The following PIK3C2G variants were observed in gnomAD, a reference collection of about 807,000 sequenced individuals.
PIK3C2G encodes phosphatidylinositol-4-phosphate 3-kinase catalytic subunit type 2 gamma.
In PIK3C2G, 168 loss-of-function variants were observed where a neutral mutation model predicts 181.1. The observed-to-expected ratio is 0.93, with a 90% CI of 0.82 to 1.05. The LOEUF (loss-of-function observed/expected upper bound fraction) is 1.05, where lower values mean the gene tolerates loss of function less well. PIK3C2G is among the 50% of genes least tolerant of loss of function. The probability of loss-of-function intolerance (pLI) is 0.00; values close to 1 mark genes in which losing one functional copy is unlikely to be tolerated. For synonymous variants in PIK3C2G, 573 were observed against 592.2 expected (o/e 0.97, Z 0.47); for missense variants, 1,869 against 1,732.8 (o/e 1.08, Z -1.40).
chr12:18,282,956 A>T (rs12372174), intron 2 of PIK3C2G, among the ~76,000 whole-genome samples, 197 bp downstream of exon 2: 21,226 of 151,774 alleles, frequency 0.14, 1,845 homozygotes, highest in South Asian at 0.21. Context: ...TTAAAAAAAA[A>T]ATCATCTATA....
intron 18 of PIK3C2G, among the ~76,000 whole-genome samples, chr12:18,483,685 C>T (rs144771014): frequency 5.9e-5 from 9 of 151,564 alleles, no homozygotes; most frequent in African/African-American, 1.9e-4. Flanking sequence ...GGATACCCCC[C>T]GAGAATGTTT....
chr12:18,287,149 T>A (rs2137161885), intron 3 of PIK3C2G, among the ~76,000 whole-genome samples: 1 of 152,316 alleles, frequency 6.6e-6, no homozygotes, highest in Non-Finnish European at 1.5e-5. Context: ...CTTAAAAATT[T>A]GGTTAAAGTT....
Position 18,488,359 on chromosome 12 carries a change from T to C in PIK3C2G, c.2505-90T>C. The C allele has an allele frequency of 6.6e-6, 5 of 756,482 alleles. No individual in the cohort carries two copies. The South Asian group carries it at 1.3e-4, about 19-fold the overall frequency. 46.9% of individuals were successfully genotyped at this position (756,482 alleles called of 1,614,324 possible). On this transcript the variant is annotated intron_variant, in intron 18 of 32. Coordinates refer to ENST00000538779, the MANE Select transcript of PIK3C2G (RefSeq NM_001288772.2). ...ACTGCCCAAAGCCACCAAATACAGA[T>C]TAGTTTGAAATGCACTTACTGTTCC... is the stretch of plus-strand genomic sequence containing the variant.
At chr12:18,375,939 C>G (rs1448487600) in intron 13 of PIK3C2G, among the ~76,000 whole-genome samples, 1 of 152,202 alleles carries the variant, frequency 6.6e-6, no homozygotes, top group Non-Finnish European at 1.5e-5. Context: ...TGCAAGCACA[C>G]AGAGTGCAGG....
intron 32 of PIK3C2G, among the ~76,000 whole-genome samples, chr12:18,642,745 A>G (rs754593175): frequency 2.0e-5 from 3 of 151,498 alleles, no homozygotes; most frequent in Non-Finnish European, 4.4e-5. Context: ...TACCTCTAAA[A>G]TGATGTGTAA....
At chr12:18,437,513 C>A (rs540371557) in intron 18 of PIK3C2G, among the ~76,000 whole-genome samples, 1 of 151,924 alleles carries the variant, frequency 6.6e-6, no homozygotes, top group Non-Finnish European at 1.5e-5. Flanking sequence ...ATACACTAAC[C>A]ACTCTTGACA....
At chr12:18,358,894 T>G (rs1940986845) in intron 11 of PIK3C2G, 1 of 170,662 alleles carries the variant, frequency 5.9e-6, no homozygotes, top group East Asian at 1.7e-4. Flanking sequence ...AGGCTCTTCC[T>G]CATTCTATAA....
chr12:18,527,692 T>G (rs974784872), intron 24 of PIK3C2G, among the ~76,000 whole-genome samples: 1 of 150,554 alleles, frequency 6.6e-6, no homozygotes, highest in Non-Finnish European at 1.5e-5. Flanking sequence ...AAAAAAAAAG[T>G]GGGCAGTTGA....
intron 3 of PIK3C2G, among the ~76,000 whole-genome samples, chr12:18,288,305 G>A (rs1323901240): frequency 2.0e-5 from 3 of 152,192 alleles, no homozygotes; most frequent in Admixed American, 6.5e-5. Flanking sequence ...GAAATAAAAT[G>A]TTTGAATCAT....
At chr12:18,654,504 C>T in the PIK3C2G span, among the ~76,000 whole-genome samples, 4 of 152,064 alleles carry the variant, frequency 2.6e-5, no homozygotes, top group South Asian at 2.1e-4. Context: ...GATTTCAGAC[C>T]GAAATCCCAG....
In PIK3C2G at chr12:18,491,535, T is replaced by C. The variant is rs1239320466; in HGVS notation, c.2770T>C (p.Cys924Arg). 9 of 1,591,678 alleles carry C rather than the reference T, an allele frequency of 5.7e-6. No homozygotes were observed. Among genetic ancestry groups the C allele is most frequent in the Admixed American group, 3.4e-5 (2 of 59,698 alleles). ...TCATCTTCCTCTGAACCCTGCCCTA[T>C]GTATAAAAGGGATTGATCACGATGT... ...TCHLPLNPAL[C>R]IKGIDHDACS... is the part of the protein sequence containing the mutation. Residue 924 changes from cysteine to arginine, a missense_variant, in exon 20 of 33, where the codon TGT becomes CGT. Transcript: ENST00000538779.
At chr12:18,325,521 A>G (rs577260225) in intron 8 of PIK3C2G, among the ~76,000 whole-genome samples, 65 of 152,228 alleles carry the variant, frequency 4.3e-4, no homozygotes, top group African/African-American at 1.4e-3. Flanking sequence ...ATCCTGGCCA[A>G]CATGGTGAAA....
intron 6 of PIK3C2G, among the ~76,000 whole-genome samples, chr12:18,315,366 A>G (rs1950815529): frequency 6.6e-6 from 1 of 152,158 alleles, no homozygotes. Context: ...TCAATATTAA[A>G]CTTAAGATTC....
intron 18 of PIK3C2G, among the ~76,000 whole-genome samples, chr12:18,458,793 T>C (rs1285646288): frequency 6.6e-6 from 1 of 150,446 alleles, no homozygotes; most frequent in Non-Finnish European, 1.5e-5. Flanking sequence ...GTAAGGGTCA[T>C]GCAGCAAGCA....
At chr12:18,245,097 C>T (rs537600041), upstream of PIK3C2G, among the ~76,000 whole-genome samples, 2 of 152,074 alleles carry the variant, frequency 1.3e-5, no homozygotes, top group African/African-American at 4.8e-5. Context: ...TAAGAGATTA[C>T]GTGGGCATCT....
At chr12:18,600,532 A>G (rs2136534847) in intron 30 of PIK3C2G, among the ~76,000 whole-genome samples, 1 of 152,220 alleles carries the variant, frequency 6.6e-6, no homozygotes, top group Admixed American at 6.5e-5. Flanking sequence ...CAGAAGTAAA[A>G]AGTAAACAAT....
At chr12:18,251,079 GT>G (rs902767670) in intron 1 of PIK3C2G, among the ~76,000 whole-genome samples, 1 of 151,916 alleles carries the variant, frequency 6.6e-6, no homozygotes, top group Non-Finnish European at 1.5e-5. Context: ...ATTTTCTAGA[GT>G]TTTTAGAAAT....
At chr12:18,284,403 G>T (rs1250427299) in intron 2 of PIK3C2G, among the ~76,000 whole-genome samples, 1 of 151,740 alleles carries the variant, frequency 6.6e-6, no homozygotes, top group African/African-American at 2.4e-5. Flanking sequence ...TTAACTGCCT[G>T]CCAATGAAAA....
chr12:18,644,774 T>A (rs749623933), intron 32 of PIK3C2G, among the ~76,000 whole-genome samples: 1 of 152,192 alleles, frequency 6.6e-6, no homozygotes, highest in Non-Finnish European at 1.5e-5. Context: ...ATGCTGTTAT[T>A]CCTACCTGTC....
Sources: gnomAD v4.1 joint callset for allele counts (sites outside exome capture counted in the v4.1 genomes callset) on GRCh38, gnomAD v4.1.1 for gene constraint, MANE v1.5 for transcripts, NCBI Gene and HGNC (gene_info 2026-07-23, HGNC 2026-07-21) for gene names.